SLC12A2: variants seen among roughly 807,000 people sequenced by gnomAD.
SLC12A2 encodes the protein Na-K-2Cl cotransporter 1.
In SLC12A2, 67 loss-of-function variants were observed where a neutral mutation model predicts 136.3. That is an observed-to-expected ratio of 0.49 (90% confidence interval 0.40 to 0.60). The LOEUF (loss-of-function observed/expected upper bound fraction) is 0.60. SLC12A2 is among the 20% of genes least tolerant of loss of function. The pLI is 0.00. For synonymous variants in SLC12A2, 619 were observed against 562.9 expected (o/e 1.10, Z -1.41); for missense variants, 1,322 against 1,534.7 (o/e 0.86, Z 2.32).
intron 24 of SLC12A2, 137 bp from the exon 25 acceptor site, chr5:128,184,229 T>G (rs193207305): frequency 6.4e-4 from 337 of 525,914 alleles, no homozygotes; most frequent in African/African-American, 6.2e-3. Flanking sequence ...CCAAACTGAT[T>G]ATTATGGTTG....
chr5:128,170,001 C>CCA (rs1763320451), intron 18 of SLC12A2: 1 of 152,176 alleles, frequency 6.6e-6, no homozygotes, highest in Non-Finnish European at 1.5e-5. Flanking sequence ...AGCAGTTTCA[C>CCA]AGCAGTGACA....
At chr5:128,166,216 T>TGACCATATATATAGA in intron 17 of SLC12A2, among the ~76,000 whole-genome samples, 2 of 152,204 alleles carry the variant, frequency 1.3e-5, no homozygotes, top group Middle Eastern at 6.8e-3. Context: ...TAATCCTATG[T>TGACCATATATATAGA]GTGACCTCAC....
At chr5:128,119,151 T>C (rs539152082) in intron 4 of SLC12A2, among the ~76,000 whole-genome samples, 42 of 152,170 alleles carry the variant, frequency 2.8e-4, no homozygotes, top group Non-Finnish European at 5.3e-4. Context: ...TAAGGGCTAC[T>C]TAGAGAGGAC....
At chr5:128,166,275 G>T (rs550633886) in intron 17 of SLC12A2, among the ~76,000 whole-genome samples, 4 of 151,920 alleles carry the variant, frequency 2.6e-5, no homozygotes, top group African/African-American at 9.7e-5. Context: ...AGCAAAACCC[G>T]TAAAACTCTT....
intron 22 of SLC12A2, 68 bp downstream of exon 22, chr5:128,178,757 A>C: frequency 7.9e-7 from 1 of 1,263,528 alleles, no homozygotes; most frequent in Non-Finnish European, 1.1e-6. Flanking sequence ...AAGAAATGAC[A>C]TGCACTCTTT....
rs370523998 is a variant in SLC12A2, at chr5:128,083,797, C to T, written c.-158C>T. 1.6e-5 allele frequency: 8 copies of T among 500,312 alleles called. No individual in the cohort carries two copies. Among genetic ancestry groups the T allele is most frequent in the South Asian group, 2.1e-4 (2 of 9,700 alleles). The allele number at this position is 500,312 out of a possible 1,614,324, so 31.0% of individuals were successfully genotyped here. On this transcript the variant is annotated 5_prime_UTR_variant, in exon 1 of 27. Coordinates refer to ENST00000262461, the MANE Select transcript of SLC12A2 (RefSeq NM_001046.3). ...GCGCGCTCGCTCGGCTGCCGGTGGC[C>T]TCTGTGGCCGTCCAGGCTAGCGGCG... is the stretch of plus-strand genomic sequence containing the variant.
chr5:128,169,792 T>TA (rs1763313293), intron 18 of SLC12A2: 1 of 152,308 alleles, frequency 6.6e-6, no homozygotes, highest in South Asian at 2.1e-4. Flanking sequence ...AATTCTTTCA[T>TA]ACACCTGTCA....
At chr5:128,177,970 G>T (rs1763585410) in intron 21 of SLC12A2, among the ~76,000 whole-genome samples, 1 of 152,132 alleles carries the variant, frequency 6.6e-6, no homozygotes, top group African/African-American at 2.4e-5. Context: ...GAAAGATGTG[G>T]TTATATGGCT....
intron 4 of SLC12A2, among the ~76,000 whole-genome samples, chr5:128,117,612 A>G (rs1307783629): frequency 6.6e-6 from 1 of 152,230 alleles, no homozygotes; most frequent in East Asian, 1.9e-4. Context: ...ACCTGAAACC[A>G]TAGAAATTCT....
At position 128,084,536 on chromosome 5, in the gene SLC12A2, G is replaced by A; in HGVS notation, c.582G>A (p.Gly194=). ...ACTCCGGCGGCGGCGGCGGCAGTGG[G>A]CACCACCAGCACTACTATTATGATA... is the stretch of plus-strand genomic sequence containing the variant. ...SLHSGGGGGS[G]HHQHYYYDTH... Residue 194 remains glycine (G), a synonymous_variant, in exon 1 of 27, where the codon GGG becomes GGA. Transcript: ENST00000262461. This position sits in a 1 kb window ranked among gnomAD's most constrained non-coding sequence, Gnocchi z 5.6. The A allele has an allele frequency of 6.2e-7, 1 of 1,613,640 alleles. No individual in the cohort carries two copies.
intron 4 of SLC12A2, among the ~76,000 whole-genome samples, chr5:128,128,621 T>C (rs927398932): frequency 1.3e-5 from 2 of 152,092 alleles, no homozygotes; most frequent in African/African-American, 2.4e-5. Flanking sequence ...ACTTAGCTGC[T>C]TACATGACCT....
intron 16 of SLC12A2, among the ~76,000 whole-genome samples, chr5:128,160,409 C>T (rs560303210): frequency 6.6e-5 from 10 of 151,996 alleles, no homozygotes; most frequent in African/African-American, 2.4e-4. Context: ...TTTATAAAGT[C>T]CCAAGAACAC....
In SLC12A2 at chr5:128,147,605, T is replaced by C; in HGVS notation, c.1774-17T>C. 6.7e-7 allele frequency: 1 copy of C among 1,501,862 alleles called. No individual in the cohort carries two copies. The highest frequency in any genetic ancestry group is 9.2e-7 in the Non-Finnish European group (1 of 1,081,342). 93.0% of individuals were successfully genotyped at this position (1,501,862 alleles called of 1,614,324 possible). A position where few individuals can be genotyped will look rare whatever the true frequency, so the allele number is the denominator to read the frequency against. ...TTTGTGAGATTTATTTTTCCATTTT[T>C]GTCACTTTTATTTAAGGTAATGAGT... is the stretch of plus-strand genomic sequence containing the variant. On this transcript the variant is annotated splice_polypyrimidine_tract_variant and intron_variant, in intron 10 of 26. Transcript: ENST00000262461.
chr5:128,156,284 T>C (rs1216539774), intron 15 of SLC12A2, among the ~76,000 whole-genome samples: 2 of 152,192 alleles, frequency 1.3e-5, no homozygotes, highest in Non-Finnish European at 2.9e-5. Context: ...TCAAATCCTT[T>C]ACTTTTCTTC....
At chr5:128,145,405 G>A (rs944500166) in intron 10 of SLC12A2, among the ~76,000 whole-genome samples, 8 of 152,006 alleles carry the variant, frequency 5.3e-5, no homozygotes, top group Non-Finnish European at 1.2e-4. Context: ...CAGAAATTGG[G>A]TTTATTCATT....
At chr5:128,110,689 G>A (rs1419890106) in intron 1 of SLC12A2, 51 of 1,394,944 alleles carry the variant, frequency 3.7e-5, no homozygotes, top group Non-Finnish European at 4.6e-5. Flanking sequence ...TTTACAATGA[G>A]CTCTGCAGCC....
At chr5:128,123,511 A>G (rs1261374581) in intron 4 of SLC12A2, among the ~76,000 whole-genome samples, 1 of 151,494 alleles carries the variant, frequency 6.6e-6, no homozygotes, top group African/African-American at 2.4e-5. Context: ...GGTCCTTTTT[A>G]TTTTTCATTC....
intron 4 of SLC12A2, among the ~76,000 whole-genome samples, chr5:128,115,341 G>T (rs1581075793): frequency 1.3e-5 from 2 of 152,068 alleles, no homozygotes; most frequent in African/African-American, 4.8e-5. Context: ...GCCAGGCTGG[G>T]CTTGAACTCC....
chr5:128,140,876 A>G (rs1762343540), intron 9 of SLC12A2, among the ~76,000 whole-genome samples: 1 of 151,968 alleles, frequency 6.6e-6, no homozygotes, highest in Non-Finnish European at 1.5e-5. Context: ...TAGATGAAAA[A>G]ATTGAAAAAC....
Sources: gnomAD v4.1 joint callset for allele counts (sites outside exome capture counted in the v4.1 genomes callset) on GRCh38, gnomAD v4.1.1 for gene constraint, Gnocchi (gnomAD v3.1) non-coding constraint, MANE v1.5 for transcripts, NCBI Gene and HGNC (gene_info 2026-07-23, HGNC 2026-07-21) for gene names.